Variants in MECOM observed in about 807,000 individuals in gnomAD.
MECOM encodes MDS1 and EVI1 complex locus, also known as histone-lysine N-methyltransferase MECOM.
MECOM carries 13 observed loss-of-function variants against 116.3 expected under a neutral mutation model. The observed-to-expected ratio is 0.11, with a 90% CI of 0.07 to 0.18. The LOEUF is 0.18. Ranked by LOEUF, MECOM falls within the 10% of genes least tolerant of loss-of-function variation. MECOM has a pLI of 1.00. For missense variants in MECOM, 1,299 were observed against 1,509.0 expected (o/e 0.86, Z 2.31); for synonymous variants, 528 against 535.2 (o/e 0.99, Z 0.19).
chr3:169,173,519 G>A (rs550090866), intron 2 of MECOM, among the ~76,000 whole-genome samples: 1 of 152,158 alleles, frequency 6.6e-6, no homozygotes, highest in Admixed American at 6.6e-5. Flanking sequence ...AAAACATTTT[G>A]TGTTCACTCT....
rs563493047 is a variant in MECOM, at chr3:169,190,352, C to A, written c.376-46520G>T. On this transcript the variant is annotated intron_variant, in intron 2 of 16. Coordinates refer to ENST00000651503, the MANE Select transcript of MECOM (RefSeq NM_004991.4). ...ACTGATGAATATCTCTACACAGCTACCCCTCATTCCAAATCCCATTTCATA... is the reference window on the plus strand; with the variant it reads ...ACTGATGAATATCTCTACACAGCTAACCCTCATTCCAAATCCCATTTCATA... Among the ~76,000 whole-genome samples the A allele has an allele frequency of 2.0e-5, 3 of 152,050 alleles. No individual in the cohort carries two copies. The South Asian group carries it at 6.2e-4, about 32-fold the overall frequency.
At chr3:169,662,223 G>T (rs1474796124) in intron 1 of MECOM, among the ~76,000 whole-genome samples, 1 of 152,114 alleles carries the variant, frequency 6.6e-6, no homozygotes, top group East Asian at 1.9e-4. Context: ...GACCAAGGCC[G>T]CTCCGCGCCG....
At chr3:169,590,841 G>C (rs1165801075) in intron 1 of MECOM, among the ~76,000 whole-genome samples, 1 of 152,222 alleles carries the variant, frequency 6.6e-6, no homozygotes, top group African/African-American at 2.4e-5. Context: ...TTTTAGCTAA[G>C]ATACTAATCT....
chr3:169,174,128 G>C (rs1744820583), intron 2 of MECOM, among the ~76,000 whole-genome samples: 1 of 152,134 alleles, frequency 6.6e-6, no homozygotes. Flanking sequence ...CAAACTCCCA[G>C]TGATGGGCAT....
intron 1 of MECOM, among the ~76,000 whole-genome samples, chr3:169,508,103 A>G (rs553923745): frequency 1.3e-5 from 2 of 152,352 alleles, no homozygotes; most frequent in African/African-American, 4.8e-5. Context: ...TATGTGCTCA[A>G]TAGGTCATAG....
At chr3:169,335,226 C>T (rs1479036831) in intron 2 of MECOM, among the ~76,000 whole-genome samples, 6 of 152,092 alleles carry the variant, frequency 3.9e-5, no homozygotes, top group African/African-American at 1.2e-4. Flanking sequence ...CATATGAAAA[C>T]AACAGAGCAA....
chr3:169,091,335 C>G (rs950281911), intron 14 of MECOM, among the ~76,000 whole-genome samples: 1 of 151,982 alleles, frequency 6.6e-6, no homozygotes, highest in Non-Finnish European at 1.5e-5. Context: ...TCAAAAGTAG[C>G]CTGGTAGGAG....
intron 2 of MECOM, among the ~76,000 whole-genome samples, chr3:169,248,847 G>T (rs1360314216): frequency 6.6e-6 from 1 of 152,144 alleles, no homozygotes; most frequent in Non-Finnish European, 1.5e-5. Context: ...GGCCTCAGAA[G>T]AAACCAAGCC....
intron 1 of MECOM, among the ~76,000 whole-genome samples, chr3:169,432,396 G>T (rs1236624268): frequency 1.3e-5 from 2 of 152,152 alleles, no homozygotes; most frequent in Non-Finnish European, 2.9e-5. Context: ...GACCCCAGAT[G>T]ATCCACTGGC....
intron 2 of MECOM, among the ~76,000 whole-genome samples, chr3:169,178,664 G>T (rs1745539452): frequency 6.6e-6 from 1 of 152,136 alleles, no homozygotes; most frequent in Admixed American, 6.5e-5. Flanking sequence ...TGCCATGTTT[G>T]ATTTTTCAAA....
intron 3 of MECOM, 55 bp downstream of exon 3, chr3:169,143,643 C>T (rs1738813291): frequency 4.1e-6 from 6 of 1,464,612 alleles, no homozygotes; most frequent in Admixed American, 2.3e-5. Context: ...ATTCTTCAGG[C>T]TCCAGTGATA....
At chr3:169,484,185 T>A in intron 1 of MECOM, 1 of 612,282 alleles carries the variant, frequency 1.6e-6, no homozygotes. Flanking sequence ...CATTACTGCT[T>A]GCACTTATTG....
At chr3:169,284,210 A>C (rs1334081193) in intron 2 of MECOM, among the ~76,000 whole-genome samples, 2 of 152,190 alleles carry the variant, frequency 1.3e-5, no homozygotes, top group Non-Finnish European at 2.9e-5. Flanking sequence ...AGGTTACGAC[A>C]CAGGGAACTG....
chr3:169,323,069 A>G (rs1384291232), intron 2 of MECOM, among the ~76,000 whole-genome samples: 2 of 151,720 alleles, frequency 1.3e-5, no homozygotes, highest in African/African-American at 2.4e-5. Context: ...CATTTTAGGA[A>G]AAAAAGAAAT....
rs569027279 is a variant in MECOM, at chr3:169,096,339, C to T, written c.2850-1094G>A. Among the ~76,000 whole-genome samples the T allele has an allele frequency of 1.5e-4, 22 of 151,632 alleles. No homozygotes were observed. The East Asian group carries it at 3.7e-3, about 26-fold the overall frequency. ...AGGCTGGAGTGCAGTGGCACAATCTCGGCTCGCTGCAACCTCTGCCTCCTG... is the reference window on the plus strand; with the variant it reads ...AGGCTGGAGTGCAGTGGCACAATCTTGGCTCGCTGCAACCTCTGCCTCCTG... On this transcript the variant is annotated intron_variant, in intron 12 of 16. Transcript: ENST00000651503.
At chr3:169,131,317 G>A in intron 4 of MECOM, 112 bp downstream of exon 4, 1 of 914,644 alleles carries the variant, frequency 1.1e-6, no homozygotes. Flanking sequence ...TGTTGAAACT[G>A]ACATTGAAAA....
chr3:169,092,868 G>A, intron 14 of MECOM, 90 bp downstream of exon 14: 5 of 1,470,410 alleles, frequency 3.4e-6, no homozygotes, highest in Non-Finnish European at 3.8e-6. Flanking sequence ...TGAAGTAATA[G>A]TAGTGCCACA....
intron 2 of MECOM, among the ~76,000 whole-genome samples, chr3:169,269,936 T>C (rs1435069381): frequency 6.6e-6 from 1 of 151,902 alleles, no homozygotes; most frequent in Non-Finnish European, 1.5e-5. Flanking sequence ...GTTCAAATTT[T>C]AGCTTTCTAA....
intron 4 of MECOM, among the ~76,000 whole-genome samples, chr3:169,130,313 T>A (rs16853218): frequency 0.028 from 4,203 of 152,256 alleles, 205 homozygotes; most frequent in African/African-American, 0.097. Context: ...ATCTAAGAAC[T>A]CCTTGCTGCC....
Sources: allele counts gnomAD v4.1 joint callset (sites outside exome capture counted in the v4.1 genomes callset), GRCh38; gene constraint gnomAD v4.1.1; transcripts MANE v1.5; gene names NCBI Gene and HGNC (gene_info 2026-07-23, HGNC 2026-07-21).